Variants in PUS7L observed in about 807,000 individuals in gnomAD.
PUS7L encodes pseudouridine synthase 7 like.
Under a neutral mutation model 51.1 loss-of-function variants are expected in PUS7L, and 49 were observed. The observed-to-expected ratio is 0.96, with a 90% CI of 0.76 to 1.22. PUS7L has a LOEUF of 1.22. Ranked by LOEUF, PUS7L falls within the 50% of genes most tolerant of loss-of-function variation. PUS7L has a pLI of 0.00. For synonymous variants in PUS7L, 277 were observed against 276.2 expected, an observed-to-expected ratio of 1.00 and a Z score of -0.03; for missense variants, 828 against 820.6, an observed-to-expected ratio of 1.01 and a Z score of -0.11.
At chr12:43,730,785 C>T (rs924251079) in intron 8 of PUS7L, 83 bp from the exon 9 acceptor site, 15 of 860,486 alleles carry the variant, frequency 1.7e-5, no homozygotes, top group African/African-American at 1.0e-4. Context: ...TTTATGACTG[C>T]GACCTGGATT....
intron 7 of PUS7L, among the ~76,000 whole-genome samples, chr12:43,734,360 G>A (rs1305303491): frequency 6.6e-6 from 1 of 152,078 alleles, no homozygotes; most frequent in African/African-American, 2.4e-5. Flanking sequence ...GAAAAGCAGA[G>A]CTGAATGATG....
intron 1 of PUS7L, among the ~76,000 whole-genome samples, chr12:43,757,143 C>T (rs1938760652): frequency 6.6e-6 from 1 of 152,178 alleles, no homozygotes; most frequent in Non-Finnish European, 1.5e-5. Flanking sequence ...GAAGTTTTTC[C>T]TGACCAATAA....
At position 43,735,819 on chromosome 12, in the gene PUS7L, C is replaced by T. The variant is rs866247944; in HGVS notation, c.1725+562G>A. Among the ~76,000 whole-genome samples the T allele has an allele frequency of 3.3e-5, 5 of 152,270 alleles. No individual in the cohort carries two copies. The Middle Eastern group carries it at 0.01, about 311-fold the overall frequency. On this transcript the variant is annotated intron_variant, in intron 7 of 8. Transcript: ENST00000344862. Reference sequence around the variant, plus strand: ...TTAGGCACAGTCTCGTTCTGTTACCCTGCCTGGAGCGCCATGGCACGATCT... The same window carrying T: ...TTAGGCACAGTCTCGTTCTGTTACCTTGCCTGGAGCGCCATGGCACGATCT...
rs888203988 is a variant in PUS7L at position 43,729,639 on chromosome 12, C to A, written c.*737G>T. On this transcript the variant is annotated 3_prime_UTR_variant, in exon 9 of 9. Coordinates refer to ENST00000344862, the MANE Select transcript of PUS7L (RefSeq NM_031292.5). ...TCTTGATTCTATCAGTAACCACACA[C>A]AAAAAAATCAACAACATACTCAAAA... 3.9e-5 allele frequency: 6 copies of A among 155,768 alleles called. No homozygotes were observed. Among genetic ancestry groups the A allele is most frequent in the Non-Finnish European group, 8.5e-5 (6 of 70,676 alleles). The allele number at this position is 155,768 out of a possible 1,614,324, so 9.6% of individuals were successfully genotyped here.
intron 2 of PUS7L, among the ~76,000 whole-genome samples, chr12:43,753,934 C>A (rs532451562): frequency 6.6e-6 from 1 of 152,168 alleles, no homozygotes; most frequent in South Asian, 2.1e-4. Context: ...CTTCACTTTC[C>A]CAAGCACAGT....
chr12:43,738,554 T>C (rs974068525), intron 5 of PUS7L, 163 bp from the exon 6 acceptor site: 1 of 583,848 alleles, frequency 1.7e-6, no homozygotes, highest in African/African-American at 1.9e-5. Context: ...CAGACAATGT[T>C]AAATGTAGAA....
intron 7 of PUS7L, among the ~76,000 whole-genome samples, chr12:43,734,576 G>A (rs1411846014): frequency 1.3e-5 from 2 of 152,170 alleles, no homozygotes; most frequent in South Asian, 2.1e-4. Context: ...TTTGCTTTAT[G>A]TAGAGTTCAG....
intron 4 of PUS7L, among the ~76,000 whole-genome samples, chr12:43,744,004 A>C (rs1312379133): frequency 6.6e-6 from 1 of 152,158 alleles, no homozygotes; most frequent in Non-Finnish European, 1.5e-5. Flanking sequence ...CCTTTCTCAC[A>C]TCATAAGAAC....
Position 43,755,227 on chromosome 12 carries a change from A to T in PUS7L, c.19T>A (p.Tyr7Asn). The change falls in exon 2 of 9, where the codon TAT becomes AAT. Residue 7 changes from tyrosine (Y) to asparagine (N), a missense_variant. By Grantham distance (143) the Tyr-to-Asn change is moderately radical (BLOSUM62 -2). Coordinates refer to ENST00000344862, the MANE Select transcript of PUS7L (RefSeq NM_031292.5). MEEDTD[Y>N]RIRFSSLCFF... ...CACAAAGAACTAAACCTGATTCTAT[A>T]ATCTGTATCTTCTTCCATTCTTCTA... 1 of 1,597,724 alleles carries T rather than the reference A, an allele frequency of 6.3e-7. No individual in the cohort carries two copies. The highest frequency in any genetic ancestry group is 2.2e-5 in the East Asian group (1 of 44,622).
In PUS7L at chr12:43,721,394, A is replaced by C. The variant is rs1944395625; in HGVS notation, c.*8982T>G. On this transcript the variant is annotated 3_prime_UTR_variant, in exon 9 of 9. Transcript: ENST00000344862. ...AATAAAAGGCAAAGATGAAAGTATT[A>C]CAAAAGAAAAAGCATTATAAAGATA... is the stretch of plus-strand genomic sequence containing the variant. 1 of 152,238 alleles carries C rather than the reference A, an allele frequency of 6.6e-6. No individual in the cohort carries two copies. Among genetic ancestry groups the C allele is most frequent in the Non-Finnish European group, 1.5e-5 (1 of 68,024 alleles). The allele number at this position is 152,238 out of a possible 1,614,324, so 9.4% of individuals were successfully genotyped here. A position where few individuals can be genotyped will look rare whatever the true frequency, so the allele number is the denominator to read the frequency against.
chr12:43,748,681 A>T (rs547678400), intron 2 of PUS7L, 72 bp from the exon 3 acceptor site: 1 of 1,159,712 alleles, frequency 8.6e-7, no homozygotes, highest in Non-Finnish European at 1.2e-6. Context: ...TAGCTAACAG[A>T]TTAGTATAAT....
chr12:43,730,732 A>C, intron 8 of PUS7L, 30 bp from the exon 9 acceptor site: 2 of 1,427,614 alleles, frequency 1.4e-6, no homozygotes, highest in South Asian at 1.2e-5. Flanking sequence ...AAAAATATGA[A>C]AATAGCCTTC....
At chr12:43,758,178 C>G (rs1938928489) in intron 1 of PUS7L, 1 of 379,350 alleles carries the variant, frequency 2.6e-6, no homozygotes, top group African/African-American at 2.2e-5. Flanking sequence ...ATGATCTTTT[C>G]TTTCTCCCAG....
intron 7 of PUS7L, among the ~76,000 whole-genome samples, chr12:43,734,293 G>A (rs76092242): frequency 2.5e-4 from 38 of 152,234 alleles, no homozygotes; most frequent in African/African-American, 7.0e-4. Flanking sequence ...GCCTAGAGTC[G>A]TTAATAATAA....
Position 43,754,717 on chromosome 12 carries a change from T to C in PUS7L, c.529A>G (p.Ser177Gly). ...LDKNQRASLH[S>G]AIRQKFPFLV... ...AATGGAAATTTCTGCCTAATGGCAC[T>C]GTGTAAACTAGCCCTCTGGTTTTTG... is the stretch of plus-strand genomic sequence containing the variant. Residue 177 changes from serine to glycine, a missense_variant, in exon 2 of 9, where the codon AGT (serine) becomes GGT (glycine). Physicochemically the swap from Ser to Gly is moderately conservative, Grantham distance 56 (BLOSUM62 0). Coordinates refer to ENST00000344862, the MANE Select transcript of PUS7L (RefSeq NM_031292.5). 6.2e-7 allele frequency: 1 copy of C among 1,613,982 alleles called. No individual in the cohort carries two copies. The highest frequency in any genetic ancestry group is 8.5e-7 in the Non-Finnish European group (1 of 1,179,888).
At position 43,728,170 on chromosome 12, in the gene PUS7L, A is replaced by T. The variant is rs1164148128; in HGVS notation, c.*2206T>A. 2 of 152,176 alleles carry T rather than the reference A, an allele frequency of 1.3e-5. No individual in the cohort carries two copies. The highest frequency in any genetic ancestry group is 2.9e-5 in the Non-Finnish European group (2 of 68,014). 9.4% of individuals were successfully genotyped at this position (152,176 alleles called of 1,614,324 possible). On this transcript the variant is annotated 3_prime_UTR_variant, in exon 9 of 9. Coordinates refer to ENST00000344862, the MANE Select transcript of PUS7L (RefSeq NM_031292.5). ...TGGTCCAAAGCATACTATTAATAAT[A>T]AAAGTCCTTAAACAAAAAAAGTTTA...
rs187237010 is a variant in PUS7L, at chr12:43,720,445, C to T, written c.*9931G>A. ...GTTGCAGTGAGCCAAGATCGTGCCA[C>T]TGCACGGGTGATAGAGTGAGACTCC... On this transcript the variant is annotated 3_prime_UTR_variant, in exon 9 of 9. Coordinates refer to ENST00000344862, the MANE Select transcript of PUS7L (RefSeq NM_031292.5). 3.9e-5 allele frequency: 6 copies of T among 152,362 alleles called. No individual in the cohort carries two copies. Among genetic ancestry groups the T allele is most frequent in the African/African-American group, 9.6e-5 (4 of 41,588 alleles). 9.4% of individuals were successfully genotyped at this position (152,362 alleles called of 1,614,324 possible).
chr12:43,755,128 C>G lies in PUS7L; in HGVS notation c.118G>C (p.Asp40His). Residue 40 changes from aspartate to histidine, a missense_variant, in exon 2 of 9, where the codon GAT (aspartate) becomes CAT (histidine). Asp to His is a moderately conservative substitution (Grantham distance 81). Transcript: ENST00000344862. ...TTATTAACTAACTGTCCCTGTTCATCAATTTCAATAACAATAAAGTCACTT... is the reference window on the plus strand; with the variant it reads ...TTATTAACTAACTGTCCCTGTTCATGAATTTCAATAACAATAAAGTCACTT... ...SPSDFIVIEIDEQGQLVNKTI... is the reference protein window; with the variant it reads ...SPSDFIVIEIHEQGQLVNKTI... The G allele has an allele frequency of 6.2e-7, 1 of 1,613,612 alleles. No homozygotes were observed. Among genetic ancestry groups the G allele is most frequent in the Non-Finnish European group, 8.5e-7 (1 of 1,179,694 alleles).
Position 43,730,701 on chromosome 12 carries a change from A to T in PUS7L, c.1781T>A (p.Val594Glu). 6.3e-7 allele frequency: 1 copy of T among 1,580,338 alleles called. No homozygotes were observed. Among genetic ancestry groups the T allele is most frequent in the Non-Finnish European group, 8.6e-7 (1 of 1,157,702 alleles). ...GSANMYAIHQ[V>E]VLPVLGYNIQ... ...ATTGTATCCAAGTACTGGAAGAACCACCTGTGAAAGAAAAGAGGGAAAAAA... is the reference window on the plus strand; with the variant it reads ...ATTGTATCCAAGTACTGGAAGAACCTCCTGTGAAAGAAAAGAGGGAAAAAA... Residue 594 changes from valine to glutamate, a missense_variant and splice_region_variant, in exon 9 of 9, where the codon GTG becomes GAG. Transcript: ENST00000344862.
Sources: gnomAD v4.1 joint callset for allele counts (sites outside exome capture counted in the v4.1 genomes callset) on GRCh38, gnomAD v4.1.1 for gene constraint, MANE v1.5 for transcripts, NCBI Gene and HGNC (gene_info 2026-07-23, HGNC 2026-07-21) for gene names.